FNTB: variants seen among roughly 807,000 people sequenced by gnomAD.
FNTB encodes the protein protein farnesyltransferase subunit beta.
A neutral mutation model predicts 59.4 loss-of-function variants in FNTB; 27 were observed. That is an observed-to-expected ratio of 0.45 (90% CI 0.34 to 0.63). The LOEUF is 0.63. FNTB is among the 20% of genes least tolerant of loss of function. The pLI, the probability that FNTB is intolerant of heterozygous loss-of-function variation, is 0.02. For synonymous variants in FNTB, 230 were observed against 220.7 expected (o/e 1.04, Z -0.37); for missense variants, 449 against 559.6 (o/e 0.80, Z 1.99).
chr14:65,009,065 G>T lies in FNTB; in HGVS notation c.210-3252G>T, dbSNP rs996815061. Among the ~76,000 whole-genome samples, 1 of 152,128 alleles carries T rather than the reference G, an allele frequency of 6.6e-6. No homozygotes were observed. The highest frequency in any genetic ancestry group is 2.4e-5 in the African/African-American group (1 of 41,406). Reference sequence around the variant, plus strand: ...AATTGAATGGTTTTGGGGCTGAATTGTTCAGGTAAAAATAGGAAGAGCTCT... The same window carrying T: ...AATTGAATGGTTTTGGGGCTGAATTTTTCAGGTAAAAATAGGAAGAGCTCT... On this transcript the variant is annotated intron_variant, in intron 2 of 11. Transcript: ENST00000246166. The surrounding 1 kb of genome is among the most constrained non-coding windows in gnomAD (Gnocchi z 4.2).
rs2062047779 is a variant in FNTB at position 65,029,928 on chromosome 14, A to G, written c.605+2147A>G. ...GAGCAGGAAGACTGATCCAGGTTGA[A>G]GAAGGCTTGGATTTGGGTGATGGCA... is the stretch of plus-strand genomic sequence containing the variant. On this transcript the variant is annotated intron_variant, in intron 6 of 11. Transcript: ENST00000246166. The surrounding 1 kb of genome is among the most constrained non-coding windows in gnomAD (Gnocchi z 4.7). Among the ~76,000 whole-genome samples, 1 of 152,234 alleles carries G rather than the reference A, an allele frequency of 6.6e-6. No individual in the cohort carries two copies. The highest frequency in any genetic ancestry group is 1.9e-4 in the East Asian group (1 of 5,202).
At chr14:65,033,287 A>G (rs1324431758) in intron 7 of FNTB, among the ~76,000 whole-genome samples, 5 of 152,272 alleles carry the variant, frequency 3.3e-5, no homozygotes, top group Admixed American at 3.3e-4. Flanking sequence ...AAAATTTGAA[A>G]CATGCAAGAG....
chr14:65,061,269 A>T lies in FNTB; in HGVS notation c.1271A>T (p.Glu424Val). Residue 424 changes from glutamate (E) to valine (V), a missense_variant, in exon 12 of 12, where the codon GAG (glutamate) becomes GTG (valine). Physicochemically the swap from Glu to Val is moderately radical, Grantham distance 121 (BLOSUM62 -2). Transcript: ENST00000246166. ...CTACAGAAGCCAGTCCCAGGTTTTGAGGAGCTTAAGGATGAGACATCGGCA... is the reference window on the plus strand; with the variant it reads ...CTACAGAAGCCAGTCCCAGGTTTTGTGGAGCTTAAGGATGAGACATCGGCA... ...YFLQKPVPGF[E>V]ELKDETSAEP... The T allele has an allele frequency of 6.2e-7, 1 of 1,614,138 alleles. No individual in the cohort carries two copies.
At position 65,040,727 on chromosome 14, in the gene FNTB, G is replaced by T. The variant is rs914042472; in HGVS notation, c.693-63G>T. 24 of 1,568,872 alleles carry T rather than the reference G, an allele frequency of 1.5e-5. No homozygotes were observed. In the African/African-American group the frequency reaches 3.1e-4, roughly 20 times the overall value. On this transcript the variant is annotated intron_variant, in intron 7 of 11. Coordinates refer to ENST00000246166, the MANE Select transcript of FNTB (RefSeq NM_002028.4). Reference sequence around the variant, plus strand: ...AACTTTTTCTCTGCCACCTAGGATGGTCCTGGTCTTGTGTACGTCCACTCA... The same window carrying T: ...AACTTTTTCTCTGCCACCTAGGATGTTCCTGGTCTTGTGTACGTCCACTCA...
intron 2 of FNTB, chr14:65,006,285 C>T (rs1002090858): frequency 1.2e-6 from 2 of 1,613,042 alleles, no homozygotes; most frequent in Non-Finnish European, 1.7e-6. Context: ...TCTTTGTTCC[C>T]TGGGGAAGGA....
Position 65,001,061 on chromosome 14 carries a change from A to T in FNTB, c.145-3188A>T, listed in dbSNP as rs1308438381. Among the ~76,000 whole-genome samples the T allele has an allele frequency of 2.0e-5, 3 of 152,082 alleles. No homozygotes were observed. Among genetic ancestry groups the T allele is most frequent in the Non-Finnish European group, 4.4e-5 (3 of 68,014 alleles). On this transcript the variant is annotated intron_variant, in intron 1 of 11. Transcript: ENST00000246166. The surrounding 1 kb of genome is among the most constrained non-coding windows in gnomAD (Gnocchi z 5.5). ...ACATGGGTGTTGGGAGCATAAATGA[A>T]GTCCTATACTTGGTCTCTCTGGGCC... is the stretch of plus-strand genomic sequence containing the variant.
At chr14:65,005,276 T>C (rs761276008) in intron 2 of FNTB, among the ~76,000 whole-genome samples, 1 of 152,244 alleles carries the variant, frequency 6.6e-6, no homozygotes, top group Non-Finnish European at 1.5e-5. Flanking sequence ...TTGTAATATG[T>C]CACACTAGAA....
At chr14:64,995,054 T>A (rs185865279) in intron 1 of FNTB, among the ~76,000 whole-genome samples, 1 of 152,368 alleles carries the variant, frequency 6.6e-6, no homozygotes, top group Non-Finnish European at 1.5e-5. Flanking sequence ...ACTTTAAATT[T>A]TTTAACTTTC....
rs565990028 is a variant in FNTB, at chr14:65,032,480, G to A, written c.606-130G>A. ...AGTTGGAGACCCAGGAGGACTGACC[G>A]TGTGCCAAGAGTGAGGACAGGAGGT... On this transcript the variant is annotated intron_variant, in intron 6 of 11. Coordinates refer to ENST00000246166, the MANE Select transcript of FNTB (RefSeq NM_002028.4). This position sits in a 1 kb window ranked among gnomAD's most constrained non-coding sequence, Gnocchi z 5.0. 1.0e-5 allele frequency: 9 copies of A among 877,636 alleles called. No individual in the cohort carries two copies. Among genetic ancestry groups the A allele is most frequent in the South Asian group, 3.9e-5 (2 of 51,628 alleles). 54.4% of individuals were successfully genotyped at this position (877,636 alleles called of 1,614,324 possible).
chr14:65,019,921 AT>A (rs1338909114), intron 4 of FNTB, among the ~76,000 whole-genome samples: 2 of 152,164 alleles, frequency 1.3e-5, no homozygotes, highest in African/African-American at 4.8e-5. Context: ...TTGCCTTTTT[AT>A]TTATCTTGCA....
Position 64,991,927 on chromosome 14 carries a change from G to T in FNTB, c.144+4830G>T, listed in dbSNP as rs116999360. 6.6e-6 allele frequency among the ~76,000 whole-genome samples: 1 copy of T among 152,188 alleles called. No homozygotes were observed. Among genetic ancestry groups the T allele is most frequent in the Non-Finnish European group, 1.5e-5 (1 of 68,028 alleles). ...TGGGCCCCTATCAGGGTATTAAGAG[G>T]CAGGTGATGTGCTGGCTTCAGGTTC... On this transcript the variant is annotated intron_variant, in intron 1 of 11. Transcript: ENST00000246166. This position sits in a 1 kb window ranked among gnomAD's most constrained non-coding sequence, Gnocchi z 4.4.
At position 65,027,848 on chromosome 14, in the gene FNTB, C is replaced by G. The variant is rs944870737; in HGVS notation, c.605+67C>G. ...AGAGCTCATCTGCCATTAGAGATGC[C>G]AAGCCTAAGGAACATCATGGGGAAG... On this transcript the variant is annotated intron_variant, in intron 6 of 11. Transcript: ENST00000246166. The surrounding 1 kb of genome is among the most constrained non-coding windows in gnomAD (Gnocchi z 5.7). 1.3e-6 allele frequency: 2 copies of G among 1,599,206 alleles called. No homozygotes were observed. The highest frequency in any genetic ancestry group is 2.7e-5 in the African/African-American group (2 of 74,788).
At chr14:65,058,268 T>TC (rs141794008) in intron 11 of FNTB, among the ~76,000 whole-genome samples, 12,460 of 151,310 alleles carry the variant, frequency 0.082, 1,711 homozygotes, top group African/African-American at 0.29. Flanking sequence ...TTTTTTTTTT[T>TC]CGGTTAGAGT....
At chr14:65,041,298 C>T (rs2062347350) in intron 8 of FNTB, among the ~76,000 whole-genome samples, 1 of 152,222 alleles carries the variant, frequency 6.6e-6, no homozygotes, top group African/African-American at 2.4e-5. Context: ...TTATTACCTG[C>T]TGCACTGTGT....
chr14:64,992,543 GA>G (rs1888240340), intron 1 of FNTB, among the ~76,000 whole-genome samples: 3 of 152,206 alleles, frequency 2.0e-5, no homozygotes, highest in Admixed American at 2.0e-4. Flanking sequence ...CAGTTCTTGA[GA>G]TACATCGTTT....
At chr14:65,034,921 G>A (rs2062155745) in intron 7 of FNTB, among the ~76,000 whole-genome samples, 1 of 152,170 alleles carries the variant, frequency 6.6e-6, no homozygotes, top group South Asian at 2.1e-4. Context: ...TGCCCCAAAA[G>A]GGGTTGATGT....
chr14:65,055,121 C>T (rs1023814847), intron 11 of FNTB, among the ~76,000 whole-genome samples: 19 of 152,232 alleles, frequency 1.2e-4, no homozygotes, highest in Non-Finnish European at 2.2e-4. Context: ...GAATGAGATC[C>T]CCAGAATGCT....
intron 1 of FNTB, among the ~76,000 whole-genome samples, chr14:64,999,086 C>T (rs1045000088): frequency 1.2e-4 from 19 of 152,332 alleles, no homozygotes; most frequent in African/African-American, 4.6e-4. Flanking sequence ...CAAAAGACCA[C>T]AGCTTTTATG....
intron 11 of FNTB, among the ~76,000 whole-genome samples, chr14:65,059,693 C>T (rs536844654): frequency 9.7e-4 from 148 of 151,962 alleles, no homozygotes; most frequent in South Asian, 1.9e-3. Flanking sequence ...AGGATTATGC[C>T]GTGTCAAATC....
Sources: gnomAD v4.1 joint callset for allele counts (sites outside exome capture counted in the v4.1 genomes callset) on GRCh38, gnomAD v4.1.1 for gene constraint, Gnocchi (gnomAD v3.1) non-coding constraint, MANE v1.5 for transcripts, NCBI Gene and HGNC (gene_info 2026-07-23, HGNC 2026-07-21) for gene names.